FCHO1: variants seen among roughly 807,000 people sequenced by gnomAD.
FCHO1 encodes the protein F-BAR domain only protein 1.
In FCHO1, 45 loss-of-function variants were observed where a neutral mutation model predicts 114.4. The ratio of observed to expected loss-of-function variants is 0.39; its 90% confidence interval spans 0.31 to 0.50. The LOEUF is 0.50. FCHO1 is among the 20% of genes least tolerant of loss of function. The pLI is 0.77. For synonymous variants in FCHO1, 480 were observed against 488.9 expected (o/e 0.98, Z 0.24); for missense variants, 1,042 against 1,209.6 (o/e 0.86, Z 2.06).
At chr19:17,779,434 TGGGGAGGCAACC>T (rs1479173437) in intron 20 of FCHO1, among the ~76,000 whole-genome samples, 1 of 150,780 alleles carries the variant, frequency 6.6e-6, no homozygotes, top group African/African-American at 2.4e-5. Flanking sequence ...AACCAGAGAC[TGGGGAGGCAACC>T]AGGGAGGCAA....
At chr19:17,766,939 G>T (rs1028318502) in intron 7 of FCHO1, 129 bp downstream of exon 7, 3 of 1,038,354 alleles carry the variant, frequency 2.9e-6, no homozygotes, top group Non-Finnish European at 4.2e-6. Flanking sequence ...ATTCCACAAC[G>T]TCAAGCCCAG....
chr19:17,787,746 T>C lies in FCHO1; in HGVS notation c.2547T>C (p.Ala849=), dbSNP rs1251000132. The C allele has an allele frequency of 4.4e-6, 7 of 1,599,392 alleles. No individual in the cohort carries two copies. Among genetic ancestry groups the C allele is most frequent in the Non-Finnish European group, 6.0e-6 (7 of 1,174,394 alleles). The change falls in exon 28 of 29, where the codon GCT becomes GCC. Residue 849 remains alanine (A), a synonymous_variant. Transcript: ENST00000596536. ...GGCCCAGCACACCCAGCCCCGTGGC[T>C]GCACAGTTCACCAGCGAGGGGACCA... ...LSGPSTPSPV[A]AQFTSEGTTL... is the part of the protein sequence containing the mutation.
chr19:17,749,257 AC>A (rs1568305311), upstream of FCHO1, among the ~76,000 whole-genome samples: 1 of 151,746 alleles, frequency 6.6e-6, no homozygotes, highest in South Asian at 2.1e-4. Flanking sequence ...GGAGTCTGAC[AC>A]CCCCAGGTTT....
intron 9 of FCHO1, among the ~76,000 whole-genome samples, chr19:17,771,867 C>T (rs1396633662): frequency 1.3e-5 from 2 of 151,878 alleles, no homozygotes; most frequent in Non-Finnish European, 1.5e-5. Flanking sequence ...GGCTGGAGTG[C>T]AGTGGCGTGA....
intron 6 of FCHO1, among the ~76,000 whole-genome samples, chr19:17,765,037 C>T (rs1254988623): frequency 3.5e-5 from 5 of 142,354 alleles, no homozygotes; most frequent in African/African-American, 1.3e-4. Context: ...GCACTCCAGC[C>T]TGGGCAATAA....
In FCHO1 at chr19:17,772,554, A is replaced by C. The variant is rs1377520755; in HGVS notation, c.692A>C (p.Gln231Pro). The change falls in exon 10 of 29, where the codon CAG becomes CCG. Residue 231 changes from glutamine (Q) to proline (P), a missense_variant and splice_region_variant. Physicochemically the swap from Gln to Pro is moderately conservative, Grantham distance 76 (BLOSUM62 -1). Coordinates refer to ENST00000596536, the MANE Select transcript of FCHO1 (RefSeq NM_015122.3). ...SVEDTHVQIG[Q>P]VHEEFKQNIE... ...GAGGACACGCACGTGCAGATTGGGC[A>C]GGTGAGTTGGGCAGGTGTGAGGAAT... The C allele has an allele frequency of 1.9e-6, 3 of 1,614,096 alleles. No homozygotes were observed. The highest frequency in any genetic ancestry group is 2.5e-6 in the Non-Finnish European group (3 of 1,179,966).
At chr19:17,769,561 A>G (rs1333089656) in intron 7 of FCHO1, among the ~76,000 whole-genome samples, 1 of 150,120 alleles carries the variant, frequency 6.7e-6, no homozygotes, top group African/African-American at 2.5e-5. Context: ...CCTGGGTGAC[A>G]CAGCGAGACT....
intron 1 of FCHO1, among the ~76,000 whole-genome samples, chr19:17,752,713 A>T (rs1456254918): frequency 1.3e-5 from 2 of 149,244 alleles, no homozygotes; most frequent in South Asian, 2.1e-4. Context: ...GGCCTGGGCC[A>T]CACTAGTGAG....
chr19:17,784,413 C>T lies in FCHO1; in HGVS notation c.2226+178C>T, dbSNP rs532713524. Among the ~76,000 whole-genome samples, 109 of 152,164 alleles carry T rather than the reference C, an allele frequency of 7.2e-4. No individual in the cohort carries two copies. The highest frequency in any genetic ancestry group is 1.3e-3 in the Non-Finnish European group (89 of 68,010). The stretch of plus-strand genomic sequence containing the variant: ...GTAGGCAGTGTGGGTCGGGAATGAA[C>T]GGTGGAGGAGTAGGCAGTGTGGAAG... On this transcript the variant is annotated intron_variant, in intron 25 of 28. Transcript: ENST00000596536. The surrounding 1 kb of genome is among the most constrained non-coding windows in gnomAD (Gnocchi z 5.3).
rs535549050 is a variant in FCHO1, at chr19:17,761,438, T to G, written c.28-1324T>G. ...TGTAGCTAGTATAAATGGGATCACT[T>G]TCTTGATTTCTTTTCAGCTATATTT... On this transcript the variant is annotated intron_variant, in intron 4 of 28. Coordinates refer to ENST00000596536, the MANE Select transcript of FCHO1 (RefSeq NM_015122.3). Among the ~76,000 whole-genome samples the G allele has an allele frequency of 2.0e-5, 3 of 152,020 alleles. No individual in the cohort carries two copies. In the South Asian group the frequency reaches 6.2e-4, roughly 32 times the overall value.
At chr19:17,781,190 C>A in intron 20 of FCHO1, 41 bp from the exon 21 acceptor site, 1 of 1,462,520 alleles carries the variant, frequency 6.8e-7, no homozygotes, top group Non-Finnish European at 9.4e-7. Context: ...CCAGAGGCCC[C>A]GGGCAGCATC....
In FCHO1 at chr19:17,771,429, G is replaced by A. The variant is rs552856730; in HGVS notation, c.594+533G>A. Among the ~76,000 whole-genome samples, 14 of 151,678 alleles carry A rather than the reference G, an allele frequency of 9.2e-5. No homozygotes were observed. The East Asian group carries it at 2.7e-3, about 30-fold the overall frequency. On this transcript the variant is annotated intron_variant, in intron 9 of 28. Transcript: ENST00000596536. Reference sequence around the variant, plus strand: ...CATGCCTGTAATCCCAGCACTTTGGGAGGCCGAGGCAGGTGGATCACGAGG... The same window carrying A: ...CATGCCTGTAATCCCAGCACTTTGGAAGGCCGAGGCAGGTGGATCACGAGG...
intron 11 of FCHO1, among the ~76,000 whole-genome samples, chr19:17,773,218 T>G (rs1732167846): frequency 6.6e-6 from 1 of 152,196 alleles, no homozygotes; most frequent in African/African-American, 2.4e-5. Flanking sequence ...TTTGAGTCTT[T>G]TCTTCATCGC....
chr19:17,759,180 T>C (rs936002078), intron 4 of FCHO1, among the ~76,000 whole-genome samples: 1 of 151,652 alleles, frequency 6.6e-6, no homozygotes, highest in Non-Finnish European at 1.5e-5. Context: ...TAAGACCTGA[T>C]TTGGTGCTAA....
chr19:17,770,535 G>A lies in FCHO1; in HGVS notation c.447G>A (p.Glu149=). 6.2e-7 allele frequency: 1 copy of A among 1,613,740 alleles called. No individual in the cohort carries two copies. Among genetic ancestry groups the A allele is most frequent in the South Asian group, 1.1e-5 (1 of 91,084 alleles). ...ENYLNRCMDQ[E]RLRRESTSQK... is the part of the protein sequence containing the mutation. ...ACCTGAACCGTTGCATGGACCAGGA[G>A]CGGCTGCGGAGGGAGAGTACCAGCC... is the stretch of plus-strand genomic sequence containing the variant. The change falls in exon 8 of 29, where the codon GAG becomes GAA. Residue 149 remains glutamate, a synonymous_variant. Transcript: ENST00000596536.
At chr19:17,770,019 G>T (rs1317312968) in intron 7 of FCHO1, among the ~76,000 whole-genome samples, 1 of 151,776 alleles carries the variant, frequency 6.6e-6, no homozygotes, top group Non-Finnish European at 1.5e-5. Context: ...ACACACAGAG[G>T]CCGGGCGTGG....
intron 19 of FCHO1, 52 bp downstream of exon 19, chr19:17,778,280 G>A: frequency 6.8e-7 from 1 of 1,467,000 alleles, no homozygotes; most frequent in Non-Finnish European, 9.6e-7. Context: ...GGGAGGTTGG[G>A]TGGGGCCATT....
At chr19:17,766,012 C>T (rs990462351) in intron 6 of FCHO1, among the ~76,000 whole-genome samples, 4 of 149,960 alleles carry the variant, frequency 2.7e-5, no homozygotes, top group African/African-American at 4.9e-5. Flanking sequence ...CCTCAGCCTC[C>T]CGAGTAGCTG....
In FCHO1 at chr19:17,786,629, G is replaced by A. The variant is rs756663422; in HGVS notation, c.2482G>A (p.Gly828Ser). The A allele has an allele frequency of 2.5e-6, 4 of 1,600,272 alleles. No individual in the cohort carries two copies. Among genetic ancestry groups the A allele is most frequent in the Admixed American group, 1.7e-5 (1 of 59,510 alleles). ...WRLPDVSEAG[G>S]SGRLSASWEP... is the part of the protein sequence containing the mutation. The stretch of plus-strand genomic sequence containing the variant: ...GCTTCCAGATGTGTCCGAGGCAGGC[G>A]GTGAGCTGTGGTTGTGTATGAGGGC... The change falls in exon 27 of 29, where the codon GGT (glycine) becomes AGT (serine). Residue 828 changes from glycine (G) to serine (S), a missense_variant and splice_region_variant. Coordinates refer to ENST00000596536, the MANE Select transcript of FCHO1 (RefSeq NM_015122.3).
Sources: gnomAD v4.1 joint callset for allele counts (sites outside exome capture counted in the v4.1 genomes callset) on GRCh38, gnomAD v4.1.1 for gene constraint, Gnocchi (gnomAD v3.1) non-coding constraint, MANE v1.5 for transcripts, NCBI Gene and HGNC (gene_info 2026-07-23, HGNC 2026-07-21) for gene names.